CPA6: variants seen among roughly 807,000 people sequenced by gnomAD.
The protein encoded by CPA6 is carboxypeptidase B.
CPA6 carries 58 observed loss-of-function variants against 63.3 expected under a neutral mutation model. The ratio of observed to expected loss-of-function variants is 0.92; its 90% CI spans 0.74 to 1.14. CPA6 has a LOEUF of 1.14. Ranked by LOEUF, CPA6 falls within the 50% of genes most tolerant of loss-of-function variation. CPA6 has a pLI of 0.00. For synonymous variants in CPA6, 185 were observed against 179.0 expected (o/e 1.03, Z -0.27); for missense variants, 565 against 526.6 (o/e 1.07, Z -0.71).
chr8:67,594,079 G>C (rs1446685972), intron 2 of CPA6, among the ~76,000 whole-genome samples: 2 of 151,856 alleles, frequency 1.3e-5, no homozygotes, highest in African/African-American at 4.8e-5. Flanking sequence ...GGCAGGCCTG[G>C]TGGTGACAAA....
intron 2 of CPA6, among the ~76,000 whole-genome samples, chr8:67,611,047 A>G (rs1814793323): frequency 1.3e-5 from 2 of 151,336 alleles, no homozygotes; most frequent in South Asian, 4.2e-4. Context: ...ATTTTATATT[A>G]TCCCATAACA....
At chr8:67,528,926 G>C (rs993060432) in intron 2 of CPA6, among the ~76,000 whole-genome samples, 1 of 151,532 alleles carries the variant, frequency 6.6e-6, no homozygotes, top group Non-Finnish European at 1.5e-5. Flanking sequence ...CTATTGAAAA[G>C]TCTAAGGAGA....
At chr8:67,678,669 C>A (rs534379721) in intron 1 of CPA6, among the ~76,000 whole-genome samples, 1 of 152,320 alleles carries the variant, frequency 6.6e-6, no homozygotes, top group African/African-American at 2.4e-5. Context: ...GCTGGTGGAA[C>A]TGTAAATTGG....
At chr8:67,603,045 T>A (rs541545032) in intron 2 of CPA6, among the ~76,000 whole-genome samples, 1 of 152,300 alleles carries the variant, frequency 6.6e-6, no homozygotes, top group Admixed American at 6.5e-5. Flanking sequence ...AAGCTAAGTG[T>A]GACAAAAATG....
intron 2 of CPA6, among the ~76,000 whole-genome samples, chr8:67,518,494 TTTTTCTTTTC>T (rs1244793941): frequency 6.8e-6 from 1 of 146,284 alleles, no homozygotes; most frequent in Admixed American, 6.8e-5. Context: ...CTTTTTTTTC[TTTTTCTTTTC>T]TTTTCTTTTT....
intron 1 of CPA6, among the ~76,000 whole-genome samples, chr8:67,728,274 A>G (rs1563410918): frequency 6.6e-6 from 1 of 152,168 alleles, no homozygotes; most frequent in Non-Finnish European, 1.5e-5. Context: ...GAGTATATGA[A>G]CTTCTAAACC....
chr8:67,437,625 A>T (rs986145922), intron 8 of CPA6, among the ~76,000 whole-genome samples: 2 of 152,230 alleles, frequency 1.3e-5, no homozygotes, highest in African/African-American at 4.8e-5. Context: ...CTGGAAACAA[A>T]TAGGGACAAG....
At chr8:67,551,866 A>G (rs1326967280) in intron 2 of CPA6, among the ~76,000 whole-genome samples, 3 of 152,122 alleles carry the variant, frequency 2.0e-5, no homozygotes, top group African/African-American at 7.2e-5. Flanking sequence ...TTTATGTATG[A>G]TATGAGGAGT....
chr8:67,467,680 A>G (rs1362257150), intron 8 of CPA6, among the ~76,000 whole-genome samples: 2 of 152,024 alleles, frequency 1.3e-5, no homozygotes, highest in Admixed American at 6.6e-5. Flanking sequence ...TTGATACTCA[A>G]GGATCAGTTG....
intron 1 of CPA6, among the ~76,000 whole-genome samples, chr8:67,725,033 A>G (rs1817571646): frequency 6.6e-6 from 1 of 152,254 alleles, no homozygotes; most frequent in Non-Finnish European, 1.5e-5. Context: ...GGGCTAGAAT[A>G]GTCGGCTACC....
intron 6 of CPA6, among the ~76,000 whole-genome samples, chr8:67,492,966 G>T (rs983859648): frequency 6.6e-6 from 1 of 152,126 alleles, no homozygotes; most frequent in African/African-American, 2.4e-5. Flanking sequence ...GGGAACTAAC[G>T]GTACTGAAGG....
At chr8:67,589,160 T>C (rs752553796) in intron 2 of CPA6, among the ~76,000 whole-genome samples, 2 of 151,932 alleles carry the variant, frequency 1.3e-5, no homozygotes, top group Non-Finnish European at 2.9e-5. Flanking sequence ...TTATTGAGAC[T>C]TGGAAAGAAA....
chr8:67,693,796 T>C (rs1450431662), intron 1 of CPA6, among the ~76,000 whole-genome samples: 1 of 152,214 alleles, frequency 6.6e-6, no homozygotes, highest in African/African-American at 2.4e-5. Flanking sequence ...TAGTTTGTTA[T>C]AGCAGCCTGA....
intron 1 of CPA6, among the ~76,000 whole-genome samples, chr8:67,668,513 T>C (rs1308398332): frequency 1.3e-5 from 2 of 152,250 alleles, no homozygotes; most frequent in African/African-American, 4.8e-5. Flanking sequence ...TCTTTCTTCA[T>C]AGTTTAATAG....
At chr8:67,597,000 GAT>G (rs1814356557) in intron 2 of CPA6, among the ~76,000 whole-genome samples, 4 of 152,116 alleles carry the variant, frequency 2.6e-5, no homozygotes, top group Admixed American at 2.6e-4. Context: ...TATTATTGGT[GAT>G]GTTAACTTTG....
At chr8:67,627,625 A>G (rs920157276) in intron 1 of CPA6, among the ~76,000 whole-genome samples, 8 of 152,214 alleles carry the variant, frequency 5.3e-5, no homozygotes, top group African/African-American at 1.4e-4. Flanking sequence ...AGGTGTCCAA[A>G]GAAAGACAGC....
chr8:67,422,368 T>C lies in CPA6; in HGVS notation c.*136A>G. The C allele has an allele frequency of 1.6e-6, 1 of 624,742 alleles. No individual in the cohort carries two copies. The highest frequency in any genetic ancestry group is 3.1e-5 in the Admixed American group (1 of 32,500). 38.7% of individuals were successfully genotyped at this position (624,742 alleles called of 1,614,324 possible). On this transcript the variant is annotated 3_prime_UTR_variant, in exon 11 of 11. Transcript: ENST00000297770. Reference sequence around the variant, plus strand: ...TGTTTTCTATTGCCACAAAGTCAAATTGCGTGGGGTCTTTTTAAAGTCCAT... The same window carrying C: ...TGTTTTCTATTGCCACAAAGTCAAACTGCGTGGGGTCTTTTTAAAGTCCAT...
At chr8:67,609,046 A>G (rs1239852984) in intron 2 of CPA6, among the ~76,000 whole-genome samples, 1 of 152,210 alleles carries the variant, frequency 6.6e-6, no homozygotes, top group Non-Finnish European at 1.5e-5. Flanking sequence ...CAGCTTGTAC[A>G]TGTGTCACTC....
At chr8:67,490,383 T>A (rs1269749664) in intron 6 of CPA6, among the ~76,000 whole-genome samples, 1 of 152,146 alleles carries the variant, frequency 6.6e-6, no homozygotes. Context: ...AAAGTTTAAT[T>A]TCTTTATTAC....
Sources: allele counts gnomAD v4.1 joint callset (sites outside exome capture counted in the v4.1 genomes callset), GRCh38; gene constraint gnomAD v4.1.1; transcripts MANE v1.5; gene names NCBI Gene and HGNC (gene_info 2026-07-23, HGNC 2026-07-21).